The following HERC2 variants were observed in gnomAD, a reference collection of about 807,000 sequenced individuals.
HERC2 encodes the protein E3 ubiquitin-protein ligase HERC2.
Under a neutral mutation model 537.7 loss-of-function variants are expected in HERC2, and 102 were observed. The observed-to-expected ratio is 0.19, with a 90% CI of 0.16 to 0.22. The LOEUF is 0.22. Ranked by LOEUF, HERC2 falls within the 10% of genes least tolerant of loss-of-function variation. HERC2 has a pLI of 1.00. For synonymous variants in HERC2, 2,224 were observed against 2,466.2 expected (o/e 0.90, Z 2.91); for missense variants, 4,236 against 6,198.2 (o/e 0.68, Z 10.63).
intron 34 of HERC2, 44 bp downstream of exon 34, chr15:28,229,151 T>C (rs775304232): frequency 6.5e-6 from 10 of 1,526,996 alleles, no homozygotes; most frequent in Admixed American, 1.7e-5. Flanking sequence ...AACATATAAT[T>C]AAAGGCAAAC....
intron 4 of HERC2, among the ~76,000 whole-genome samples, chr15:28,291,810 C>A (rs1324784863): frequency 6.9e-6 from 1 of 144,662 alleles, no homozygotes; most frequent in African/African-American, 2.6e-5. Context: ...AAGGCTGAGG[C>A]AGGAGAATGG....
At chr15:28,247,416 T>C (rs1335753900) in intron 21 of HERC2, among the ~76,000 whole-genome samples, 1 of 141,842 alleles carries the variant, frequency 7.1e-6, no homozygotes, top group Non-Finnish European at 1.5e-5. Context: ...TCTGTCTACA[T>C]GGTTCTTTTT....
intron 55 of HERC2, among the ~76,000 whole-genome samples, chr15:28,189,759 C>T (rs1896654098): frequency 6.6e-6 from 1 of 152,100 alleles, no homozygotes; most frequent in Admixed American, 6.6e-5. Context: ...ATACATGTAA[C>T]AAAACATCAC....
At chr15:28,125,459 T>C (rs529574107) in intron 83 of HERC2, among the ~76,000 whole-genome samples, 17 of 152,318 alleles carry the variant, frequency 1.1e-4, no homozygotes, top group Non-Finnish European at 1.9e-4. Flanking sequence ...CCTCTTCTAG[T>C]GAGAGACACA....
chr15:28,240,132 C>T (rs906135733), intron 23 of HERC2, among the ~76,000 whole-genome samples: 4 of 151,978 alleles, frequency 2.6e-5, no homozygotes, highest in African/African-American at 4.8e-5. Context: ...TTAAAATAAT[C>T]CAATCAGAGG....
chr15:28,130,425 C>T, intron 82 of HERC2, 78 bp downstream of exon 82: 1 of 1,582,052 alleles, frequency 6.3e-7, no homozygotes, highest in African/African-American at 1.3e-5. Context: ...AGCTACATTC[C>T]CATCCATGAA....
chr15:28,263,327 G>A (rs191391112), intron 14 of HERC2, among the ~76,000 whole-genome samples, 158 bp from the exon 15 acceptor site: 2 of 152,330 alleles, frequency 1.3e-5, no homozygotes, highest in South Asian at 2.1e-4. Flanking sequence ...CGAAATCTAG[G>A]TGACACTTGA....
At chr15:28,135,782 C>A in intron 78 of HERC2, 90 bp from the exon 79 acceptor site, 1 of 896,040 alleles carries the variant, frequency 1.1e-6, no homozygotes, top group South Asian at 1.7e-5. Flanking sequence ...ATGCTTTAGA[C>A]ATTTTTACCA....
intron 79 of HERC2, among the ~76,000 whole-genome samples, chr15:28,134,587 A>T (rs1417977045): frequency 6.6e-6 from 1 of 152,200 alleles, no homozygotes; most frequent in Non-Finnish European, 1.5e-5. Context: ...CTACAACCTA[A>T]GCTCTAGGTT....
chr15:28,267,273 TCCC>T (rs1262143076), intron 12 of HERC2, among the ~76,000 whole-genome samples: 3 of 152,148 alleles, frequency 2.0e-5, no homozygotes, highest in African/African-American at 7.2e-5. Flanking sequence ...AGTTTCAATT[TCCC>T]CAAAAGGTTA....
chr15:28,299,534 G>C lies in HERC2; in HGVS notation c.73-18C>G, dbSNP rs778752531. On this transcript the variant is annotated intron_variant, in intron 2 of 92. Coordinates refer to ENST00000261609, the MANE Select transcript of HERC2 (RefSeq NM_004667.6). ...AATGCAAGCTGGCAATGATAAACGA[G>C]ATAAGCTTACAGAGTGCTCACACTC... The C allele has an allele frequency of 3.3e-5, 43 of 1,304,634 alleles. No homozygotes were observed. The highest frequency in any genetic ancestry group is 4.1e-5 in the Non-Finnish European group (37 of 901,946). The allele number at this position is 1,304,634 out of a possible 1,614,324, so 80.8% of individuals were successfully genotyped here. A position where few individuals can be genotyped will look rare whatever the true frequency, so the allele number is the denominator to read the frequency against.
chr15:28,230,655 T>C (rs561251655), intron 30 of HERC2, among the ~76,000 whole-genome samples, 155 bp from the exon 31 acceptor site: 1 of 152,202 alleles, frequency 6.6e-6, no homozygotes, highest in Admixed American at 6.5e-5. Flanking sequence ...AAGAGTGAAA[T>C]GATCACCCTG....
intron 15 of HERC2, among the ~76,000 whole-genome samples, chr15:28,261,684 C>T (rs2075418379): frequency 6.6e-6 from 1 of 152,100 alleles, no homozygotes; most frequent in Non-Finnish European, 1.5e-5. Flanking sequence ...GGAATATAAA[C>T]AAGAAGGCAA....
intron 26 of HERC2, among the ~76,000 whole-genome samples, chr15:28,235,443 C>T (rs927232201): frequency 1.3e-5 from 2 of 152,128 alleles, no homozygotes; most frequent in African/African-American, 2.4e-5. Context: ...GAAGCAGATA[C>T]CTCAGAGGGC....
chr15:28,206,833 A>T (rs1252959222), intron 44 of HERC2, among the ~76,000 whole-genome samples: 1 of 4,094 alleles, frequency 2.4e-4, no homozygotes, highest in Admixed American at 5.1e-3. Flanking sequence ...ACTCGGTCTC[A>T]AAAAAAAAAA....
chr15:28,192,111 C>T lies in HERC2; in HGVS notation c.8301G>A (p.Leu2767=), dbSNP rs1896907914. 2 of 1,613,984 alleles carry T rather than the reference C, an allele frequency of 1.2e-6. No individual in the cohort carries two copies. Among genetic ancestry groups the T allele is most frequent in the Non-Finnish European group, 1.7e-6 (2 of 1,179,994 alleles). The change falls in exon 53 of 93, where the codon CTG becomes CTA. Residue 2767 remains leucine, a synonymous_variant. Transcript: ENST00000261609. ...CTGGCTGGCTGCTGTGGCAACGCTT[C>T]AGCTGTTTTCCAGAACGGCCACAAA... ...AVFCGRSGKQ[L]KRCHSSQPGM...
intron 4 of HERC2, among the ~76,000 whole-genome samples, 162 bp downstream of exon 4, chr15:28,292,726 A>G (rs1357749752): frequency 1.3e-5 from 2 of 152,236 alleles, no homozygotes; most frequent in African/African-American, 4.8e-5. Flanking sequence ...AAAAATGGTT[A>G]AAACGGTAAG....
intron 52 of HERC2, among the ~76,000 whole-genome samples, chr15:28,195,544 C>T (rs1245297159): frequency 4.6e-5 from 7 of 152,170 alleles, no homozygotes; most frequent in South Asian, 2.1e-4. Flanking sequence ...TGCTACAATA[C>T]GGATGAAGCT....
intron 68 of HERC2, 52 bp from the exon 69 acceptor site, chr15:28,163,337 T>C (rs1893808380): frequency 6.5e-7 from 1 of 1,527,066 alleles, no homozygotes; most frequent in Non-Finnish European, 8.9e-7. Flanking sequence ...TGCTAAGAGA[T>C]AAAGAGTCAC....
Sources: gnomAD v4.1 joint callset for allele counts (sites outside exome capture counted in the v4.1 genomes callset) on GRCh38, gnomAD v4.1.1 for gene constraint, MANE v1.5 for transcripts, NCBI Gene and HGNC (gene_info 2026-07-23, HGNC 2026-07-21) for gene names.